The following LRFN5 variants were observed in gnomAD, a reference collection of about 807,000 sequenced individuals.
LRFN5 encodes leucine rich repeat and fibronectin type III domain containing 5, also known as leucine-rich repeat and fibronectin type-III domain-containing protein 5.
A neutral mutation model predicts 45.6 loss-of-function variants in LRFN5; 24 were observed. The observed-to-expected ratio is 0.53, with a 90% CI of 0.38 to 0.74. The LOEUF (loss-of-function observed/expected upper bound fraction) is 0.74, where lower values mean the gene tolerates loss of function less well. Ranked by LOEUF, LRFN5 falls within the 30% of genes least tolerant of loss-of-function variation. The pLI is 0.00. For missense variants in LRFN5, 776 were observed against 861.5 expected (o/e 0.90, Z 1.24); for synonymous variants, 340 against 313.8 (o/e 1.08, Z -0.88).
intron 2 of LRFN5, among the ~76,000 whole-genome samples, chr14:41,830,204 G>T (rs1359794906): frequency 6.6e-6 from 1 of 151,360 alleles, no homozygotes; most frequent in African/African-American, 2.4e-5. Flanking sequence ...TTTTTCAATT[G>T]TAGTAGTGTT....
intron 1 of LRFN5, among the ~76,000 whole-genome samples, chr14:41,636,872 C>T (rs1381696978): frequency 6.6e-6 from 1 of 152,130 alleles, no homozygotes; most frequent in Admixed American, 6.6e-5. Context: ...TGCACAGGCC[C>T]CACTTGCACC....
At chr14:41,616,745 A>G (rs1283157148) in intron 1 of LRFN5, among the ~76,000 whole-genome samples, 2 of 152,130 alleles carry the variant, frequency 1.3e-5, no homozygotes, top group African/African-American at 4.8e-5. Flanking sequence ...AAAATTATTA[A>G]AAGTATTGCA....
At chr14:41,691,939 T>C (rs1335067439) in intron 1 of LRFN5, among the ~76,000 whole-genome samples, 1 of 152,142 alleles carries the variant, frequency 6.6e-6, no homozygotes. Flanking sequence ...TAATTTTCCA[T>C]GGTGTTCTTA....
chr14:41,804,671 AAG>A (rs1306423889), intron 2 of LRFN5, among the ~76,000 whole-genome samples: 1 of 152,158 alleles, frequency 6.6e-6, no homozygotes, highest in Non-Finnish European at 1.5e-5. Context: ...TGGAAAGACT[AAG>A]AGAATTTTAG....
chr14:41,623,294 A>G (rs1385676055), intron 1 of LRFN5, among the ~76,000 whole-genome samples: 2 of 152,080 alleles, frequency 1.3e-5, no homozygotes. Flanking sequence ...CATACCTGCC[A>G]CCTTGTGAAG....
At chr14:41,707,164 A>C (rs1444483789) in intron 1 of LRFN5, among the ~76,000 whole-genome samples, 1 of 152,236 alleles carries the variant, frequency 6.6e-6, no homozygotes, top group African/African-American at 2.4e-5. Flanking sequence ...TGTTGGAAGA[A>C]GGCCTGCCTT....
At chr14:41,877,712 G>A (rs1890235854) in intron 2 of LRFN5, among the ~76,000 whole-genome samples, 1 of 151,908 alleles carries the variant, frequency 6.6e-6, no homozygotes, top group African/African-American at 2.4e-5. Context: ...TTAGGACTAT[G>A]CAAATTTAAA....
At chr14:41,710,577 G>A (rs910895764) in intron 1 of LRFN5, among the ~76,000 whole-genome samples, 4 of 146,756 alleles carry the variant, frequency 2.7e-5, no homozygotes, top group Non-Finnish European at 5.9e-5. Flanking sequence ...ACTTTAGATT[G>A]AAAAAGGGAT....
At chr14:41,778,016 G>GC (rs932810245) in intron 2 of LRFN5, among the ~76,000 whole-genome samples, 21 of 118,790 alleles carry the variant, frequency 1.8e-4, no homozygotes, top group Admixed American at 1.2e-3. Flanking sequence ...TTTGGTGGGG[G>GC]GGGGGGATTG....
chr14:41,893,188 G>A, intron 4 of LRFN5: 8 of 980,654 alleles, frequency 8.2e-6, no homozygotes, highest in Non-Finnish European at 9.7e-6. Flanking sequence ...GCTGCTTAGT[G>A]AGAATACATA....
intron 1 of LRFN5, among the ~76,000 whole-genome samples, chr14:41,703,255 C>CATA (rs1469270749): frequency 6.6e-6 from 1 of 152,112 alleles, no homozygotes; most frequent in Non-Finnish European, 1.5e-5. Flanking sequence ...TTCTAATTTA[C>CATA]ATAGCATGTG....
chr14:41,777,733 T>G (rs1157369945), intron 2 of LRFN5, among the ~76,000 whole-genome samples: 1 of 151,828 alleles, frequency 6.6e-6, no homozygotes, highest in Non-Finnish European at 1.5e-5. Flanking sequence ...GTGTAGGATG[T>G]TTTCTTTAAA....
intron 1 of LRFN5, among the ~76,000 whole-genome samples, chr14:41,674,271 G>A (rs1412844145): frequency 7.5e-6 from 1 of 132,998 alleles, no homozygotes; most frequent in Non-Finnish European, 1.6e-5. Context: ...TCCCAGTAGG[G>A]GCGGCCGGGC....
intron 1 of LRFN5, among the ~76,000 whole-genome samples, chr14:41,650,864 T>TG (rs1274077407): frequency 9.1e-6 from 1 of 110,078 alleles, no homozygotes; most frequent in Non-Finnish European, 1.7e-5. Flanking sequence ...GCAATCTCAT[T>TG]AAGCAACAAA....
chr14:41,616,192 G>C (rs531186933), intron 1 of LRFN5, among the ~76,000 whole-genome samples: 2 of 152,050 alleles, frequency 1.3e-5, no homozygotes, highest in Non-Finnish European at 2.9e-5. Flanking sequence ...AACACAAGAA[G>C]AGTAAATTTT....
chr14:41,678,441 A>G (rs1171458096), intron 1 of LRFN5, among the ~76,000 whole-genome samples: 1 of 152,180 alleles, frequency 6.6e-6, no homozygotes, highest in Non-Finnish European at 1.5e-5. Context: ...CAATTCAGCA[A>G]TAATAGTTGG....
chr14:41,731,730 T>G (rs1884187265), intron 1 of LRFN5: 1 of 152,176 alleles, frequency 6.6e-6, no homozygotes, highest in African/African-American at 2.4e-5. Context: ...AATTTGATCA[T>G]GTAATCCATT....
At chr14:41,779,096 A>C (rs1462668463) in intron 2 of LRFN5, among the ~76,000 whole-genome samples, 1 of 151,792 alleles carries the variant, frequency 6.6e-6, no homozygotes, top group Non-Finnish European at 1.5e-5. Flanking sequence ...GAGGGAAGGC[A>C]TCTAGTTTCA....
At chr14:41,750,570 T>C (rs1368523884) in intron 1 of LRFN5, among the ~76,000 whole-genome samples, 1 of 152,124 alleles carries the variant, frequency 6.6e-6, no homozygotes, top group East Asian at 1.9e-4. Flanking sequence ...AAATTTGCTT[T>C]CATTGTATTG....
Sources: gnomAD v4.1 joint callset for allele counts (sites outside exome capture counted in the v4.1 genomes callset) on GRCh38, gnomAD v4.1.1 for gene constraint, MANE v1.5 for transcripts, NCBI Gene and HGNC (gene_info 2026-07-23, HGNC 2026-07-21) for gene names.